Variants in C7orf57 observed in about 807,000 individuals in gnomAD.
C7orf57 encodes chromosome 7 open reading frame 57.
A neutral mutation model predicts 39.0 loss-of-function variants in C7orf57; 33 were observed. The ratio of observed to expected loss-of-function variants is 0.85; its 90% CI spans 0.64 to 1.13. C7orf57 has a LOEUF of 1.13. Among genes scored for constraint, C7orf57 ranks in the 50% most tolerant of loss-of-function variants. The pLI is 0.00. For synonymous variants in C7orf57, 124 were observed against 137.1 expected (o/e 0.90, Z 0.67); for missense variants, 346 against 362.3 (o/e 0.95, Z 0.37).
At chr7:48,043,077 C>T (rs1790597820) in intron 3 of C7orf57, among the ~76,000 whole-genome samples, 1 of 152,132 alleles carries the variant, frequency 6.6e-6, no homozygotes, top group South Asian at 2.1e-4. Flanking sequence ...ACAGTCAGAC[C>T]GTCCTATGCT....
At chr7:48,054,916 G>A (rs200715368) in intron 8 of C7orf57, among the ~76,000 whole-genome samples, 3 of 151,940 alleles carry the variant, frequency 2.0e-5, no homozygotes, top group East Asian at 3.9e-4. Context: ...TCGCTCTGTC[G>A]CCCAGGCTGG....
intron 5 of C7orf57, 60 bp downstream of exon 5, chr7:48,046,676 A>G: frequency 6.5e-7 from 1 of 1,547,292 alleles, no homozygotes; most frequent in Non-Finnish European, 8.8e-7. Flanking sequence ...GGTCTCGAGT[A>G]ATTAAGTGCT....
chr7:48,036,237 C>A lies in C7orf57; in HGVS notation c.-72C>A. 2 of 1,494,778 alleles carry A rather than the reference C, an allele frequency of 1.3e-6. No homozygotes were observed. The highest frequency in any genetic ancestry group is 3.9e-5 in the Admixed American group (2 of 50,966). 92.6% of individuals were successfully genotyped at this position (1,494,778 alleles called of 1,614,324 possible). A position where few individuals can be genotyped will look rare whatever the true frequency, so the allele number is the denominator to read the frequency against. ...AGCTCCTGGCAACTGGTCAAGCAGG[C>A]AGCGTCCAGCGCACCCGCGAACACC... is the stretch of plus-strand genomic sequence containing the variant. On this transcript the variant is annotated 5_prime_UTR_variant, in exon 2 of 9. Transcript: ENST00000348904.
chr7:48,046,679 T>C (rs1181287259), intron 5 of C7orf57, 63 bp downstream of exon 5: 20 of 1,539,842 alleles, frequency 1.3e-5, no homozygotes, highest in Non-Finnish European at 1.7e-5. Context: ...CTCGAGTAAT[T>C]AAGTGCTGTG....
intron 8 of C7orf57, among the ~76,000 whole-genome samples, chr7:48,059,971 T>C (rs1032685460): frequency 1.9e-4 from 29 of 152,212 alleles, no homozygotes; most frequent in Admixed American, 1.3e-4. Context: ...CTTTCCACCA[T>C]ACACAGGCAA....
At position 48,035,896 on chromosome 7, in the gene C7orf57, C is replaced by T. The variant is rs565453134; in HGVS notation, c.-102+266C>T. On this transcript the variant is annotated intron_variant, in intron 1 of 8. Transcript: ENST00000348904. This position sits in a 1 kb window ranked among gnomAD's most constrained non-coding sequence, Gnocchi z 4.0. ...ACTGGATACCCGGCGTGACGTGCCC[C>T]CTCTGTGTGCCCCGCACGCACGTGT... 1.3e-5 allele frequency among the ~76,000 whole-genome samples: 2 copies of T among 152,176 alleles called. No homozygotes were observed. Among genetic ancestry groups the T allele is most frequent in the African/African-American group, 4.8e-5 (2 of 41,518 alleles).
Position 48,043,465 on chromosome 7 carries a change from C to T in C7orf57, c.242-16C>T. ...GCGGCGGGGTGTCTCACAGCCATGT[C>T]ATTTTCTCTTTTGAGATTTGTTGAA... is the stretch of plus-strand genomic sequence containing the variant. On this transcript the variant is annotated splice_polypyrimidine_tract_variant and intron_variant, in intron 3 of 8. Coordinates refer to ENST00000348904, the MANE Select transcript of C7orf57 (RefSeq NM_001100159.3). The T allele has an allele frequency of 6.2e-7, 1 of 1,604,166 alleles. No individual in the cohort carries two copies. The highest frequency in any genetic ancestry group is 8.5e-7 in the Non-Finnish European group (1 of 1,171,968).
chr7:48,036,823 T>C (rs1384840853), intron 2 of C7orf57, among the ~76,000 whole-genome samples: 1 of 152,194 alleles, frequency 6.6e-6, no homozygotes, highest in Admixed American at 6.5e-5. Context: ...GGGTTTAGTG[T>C]CTGGATACAG....
At chr7:48,043,226 C>T (rs924728907) in intron 3 of C7orf57, among the ~76,000 whole-genome samples, 2 of 152,172 alleles carry the variant, frequency 1.3e-5, no homozygotes, top group African/African-American at 4.8e-5. Context: ...ACCAGGAGCT[C>T]TGTCCAGATC....
chr7:48,042,879 G>A (rs1386508756), intron 3 of C7orf57, among the ~76,000 whole-genome samples: 1 of 152,172 alleles, frequency 6.6e-6, no homozygotes, highest in Non-Finnish European at 1.5e-5. Context: ...TGAGTCCGGA[G>A]CTGGCCTGGG....
chr7:48,038,377 T>TATAC (rs1201722466), intron 2 of C7orf57, among the ~76,000 whole-genome samples: 4 of 105,546 alleles, frequency 3.8e-5, no homozygotes, highest in African/African-American at 8.3e-5. Flanking sequence ...TATCTTTCTA[T>TATAC]ATACATATAG....
intron 6 of C7orf57, among the ~76,000 whole-genome samples, chr7:48,050,999 A>G (rs1583815610): frequency 1.3e-5 from 2 of 152,050 alleles, no homozygotes; most frequent in Admixed American, 6.6e-5. Context: ...AGCTCACACT[A>G]CCTCTACCGT....
In C7orf57 at chr7:48,052,688, A is replaced by G. The variant is rs774952808; in HGVS notation, c.606-12A>G. On this transcript the variant is annotated splice_polypyrimidine_tract_variant and intron_variant, in intron 6 of 8. Transcript: ENST00000348904. ...TGTACTTAAGTTTCACATTACTTTT[A>G]CTCTTTTTAAGGCCTGGTCAAAAAA... 7 of 1,608,640 alleles carry G rather than the reference A, an allele frequency of 4.4e-6. No individual in the cohort carries two copies. The highest frequency in any genetic ancestry group is 3.3e-5 in the Admixed American group (2 of 59,902).
chr7:48,041,602 A>G, intron 3 of C7orf57, 83 bp downstream of exon 3: 1 of 1,149,554 alleles, frequency 8.7e-7, no homozygotes, highest in Non-Finnish European at 1.2e-6. Flanking sequence ...TCCATATAAA[A>G]ATATTACTAC....
At chr7:48,040,463 A>G (rs187264408) in intron 2 of C7orf57, among the ~76,000 whole-genome samples, 113 of 152,334 alleles carry the variant, frequency 7.4e-4, no homozygotes, top group Admixed American at 3.2e-3. Flanking sequence ...ATGTTTTTCC[A>G]TAACACATAA....
chr7:48,036,649 T>C (rs1790375874), intron 2 of C7orf57, among the ~76,000 whole-genome samples: 1 of 152,180 alleles, frequency 6.6e-6, no homozygotes, highest in Admixed American at 6.5e-5. Context: ...ACAGGATCCC[T>C]TGGAAATTTT....
intron 2 of C7orf57, among the ~76,000 whole-genome samples, chr7:48,040,078 A>T (rs1383954934): frequency 6.6e-6 from 1 of 152,112 alleles, no homozygotes; most frequent in Non-Finnish European, 1.5e-5. Flanking sequence ...AAACACTGAT[A>T]ACTCCAGGTC....
At position 48,051,787 on chromosome 7, in the gene C7orf57, TTTCTTTCTTTCC is replaced by T. The variant is rs1164221843; in HGVS notation, c.606-909_606-898del. On this transcript the variant is annotated intron_variant, in intron 6 of 8. Transcript: ENST00000348904. ...CTTTCTTTCTTTCTTTCTTTCTTTC[TTTCTTTCTTTCC>T]TTCCTTCCTTTTCTCTTCTCTTTCT... Among the ~76,000 whole-genome samples, 47 of 105,654 alleles carry T rather than the reference TTTCTTTCTTTCC, an allele frequency of 4.4e-4. 4 individuals carry two copies. The highest frequency in any genetic ancestry group is 1.8e-3 in the African/African-American group (46 of 25,650). 69.3% of individuals were successfully genotyped at this position (105,654 alleles called of 152,430 possible).
Position 48,043,430 on chromosome 7 carries a change from C to T in C7orf57, c.242-51C>T, listed in dbSNP as rs1790609583. The T allele has an allele frequency of 6.5e-6, 9 of 1,384,920 alleles. No individual in the cohort carries two copies. The Admixed American group carries it at 1.8e-4, about 27-fold the overall frequency. The allele number at this position is 1,384,920 out of a possible 1,614,324, so 85.8% of individuals were successfully genotyped here. ...GCCTATCACTGGCAATGCTGTGCGT[C>T]TGTGTAGGGGCGGCGGGGTGTCTCA... On this transcript the variant is annotated intron_variant, in intron 3 of 8. Transcript: ENST00000348904.
Sources: allele counts gnomAD v4.1 joint callset (sites outside exome capture counted in the v4.1 genomes callset), GRCh38; gene constraint gnomAD v4.1.1; non-coding constraint Gnocchi (gnomAD v3.1); transcripts MANE v1.5; gene names NCBI Gene and HGNC (gene_info 2026-07-23, HGNC 2026-07-21).